Variants in GLMN observed in about 807,000 individuals in gnomAD.
GLMN encodes the protein glomulin.
In GLMN, 75 loss-of-function variants were observed where a neutral mutation model predicts 87.8. The observed-to-expected ratio is 0.85, with a 90% CI of 0.71 to 1.04. The LOEUF is 1.04. Among genes scored for constraint, GLMN ranks in the 50% least tolerant of loss-of-function variants. The pLI is 0.00. For synonymous variants in GLMN, 206 were observed against 221.6 expected, an observed-to-expected ratio of 0.93 and a Z score of 0.63; for missense variants, 588 against 658.8, an observed-to-expected ratio of 0.89 and a Z score of 1.18.
At chr1:92,294,373 T>TG (rs556608308) in intron 3 of GLMN, among the ~76,000 whole-genome samples, 259 of 152,234 alleles carry the variant, frequency 1.7e-3, no homozygotes, top group Non-Finnish European at 2.8e-3. Flanking sequence ...TCTCCCCACT[T>TG]ATCTGCAGGG....
the GLMN span, among the ~76,000 whole-genome samples, chr1:92,366,647 T>C: frequency 6.6e-6 from 1 of 152,198 alleles, no homozygotes; most frequent in Non-Finnish European, 1.5e-5. Context: ...GAGAAAGAGT[T>C]AATATTAAAC....
the GLMN span, chr1:92,324,524 C>T: frequency 1.6e-6 from 1 of 638,524 alleles, no homozygotes; most frequent in Non-Finnish European, 2.7e-6. Context: ...TTTACAGTGC[C>T]ATCTCCACTG....
chr1:92,294,345 G>A (rs1422538089), intron 3 of GLMN, among the ~76,000 whole-genome samples: 1 of 152,052 alleles, frequency 6.6e-6, no homozygotes, highest in African/African-American at 2.4e-5. Flanking sequence ...AATAAAAATA[G>A]AGTATACGAT....
the GLMN span, among the ~76,000 whole-genome samples, chr1:92,355,271 A>AT: frequency 6.6e-6 from 1 of 152,032 alleles, no homozygotes. Flanking sequence ...GATATATCCT[A>AT]TTTTTGTTCC....
the GLMN span, among the ~76,000 whole-genome samples, chr1:92,316,106 A>C: frequency 6.6e-6 from 1 of 152,226 alleles, no homozygotes; most frequent in South Asian, 2.1e-4. Flanking sequence ...CTAAAATCTT[A>C]AATCTAAGAA....
chr1:92,345,778 T>C, the GLMN span: 2 of 974,300 alleles, frequency 2.1e-6, no homozygotes, highest in South Asian at 2.9e-5. Flanking sequence ...AATCTGATGT[T>C]ATCTAGAAAG....
At chr1:92,312,002 G>A in the GLMN span, among the ~76,000 whole-genome samples, 1 of 152,172 alleles carries the variant, frequency 6.6e-6, no homozygotes, top group African/African-American at 2.4e-5. Context: ...GTGGTAATTT[G>A]TTGAAATAAG....
the GLMN span, among the ~76,000 whole-genome samples, chr1:92,336,622 A>G: frequency 6.6e-6 from 1 of 152,178 alleles, no homozygotes; most frequent in East Asian, 1.9e-4. Flanking sequence ...TGCTCAAGCC[A>G]TTATATATTT....
the GLMN span, among the ~76,000 whole-genome samples, chr1:92,362,765 G>GT: frequency 8.6e-5 from 13 of 152,034 alleles, no homozygotes; most frequent in African/African-American, 2.4e-4. Context: ...ACATTATAAT[G>GT]TTTTTTATCA....
the GLMN span, among the ~76,000 whole-genome samples, chr1:92,309,440 C>A: frequency 5.2e-4 from 76 of 145,758 alleles, no homozygotes; most frequent in East Asian, 1.2e-3. Flanking sequence ...GACTCCATCT[C>A]AAAAAAAAAA....
At chr1:92,279,570 A>G (rs1435785503) in intron 7 of GLMN, among the ~76,000 whole-genome samples, 1 of 151,724 alleles carries the variant, frequency 6.6e-6, no homozygotes, top group Non-Finnish European at 1.5e-5. Flanking sequence ...TGCATTTCCA[A>G]CTGAGGTACC....
At chr1:92,280,581 C>T (rs1437136871) in intron 7 of GLMN, among the ~76,000 whole-genome samples, 1 of 152,206 alleles carries the variant, frequency 6.6e-6, no homozygotes, top group Non-Finnish European at 1.5e-5. Flanking sequence ...CACAGCTCCT[C>T]ACCAGCAAGG....
At chr1:92,338,382 T>C in the GLMN span, among the ~76,000 whole-genome samples, 1 of 152,364 alleles carries the variant, frequency 6.6e-6, no homozygotes, top group Middle Eastern at 3.4e-3. Context: ...TGAACTTGTC[T>C]GCATGCTGTG....
rs116757575 is a variant in GLMN at position 92,265,499 on chromosome 1, G to A, written c.1215-861C>T. ...AAGATAGAATCAAGAGTGTTGGCTGGGCATGATGGCTCATGCGTGTCATCT... is the reference window on the plus strand; with the variant it reads ...AAGATAGAATCAAGAGTGTTGGCTGAGCATGATGGCTCATGCGTGTCATCT... On this transcript the variant is annotated intron_variant, in intron 13 of 18. Coordinates refer to ENST00000370360, the MANE Select transcript of GLMN (RefSeq NM_053274.3). 5.9e-3 allele frequency among the ~76,000 whole-genome samples: 902 copies of A among 152,150 alleles called. 8 individuals are homozygous for A. Among genetic ancestry groups the A allele is most frequent in the African/African-American group, 0.019 (794 of 41,494 alleles).
At chr1:92,356,063 T>TA in the GLMN span, among the ~76,000 whole-genome samples, 4 of 152,212 alleles carry the variant, frequency 2.6e-5, no homozygotes, top group Admixed American at 2.0e-4. Flanking sequence ...GTTTTAAAAC[T>TA]GTTTTACTTA....
chr1:92,298,736 A>G (rs535445104), intron 1 of GLMN, among the ~76,000 whole-genome samples, 189 bp downstream of exon 1: 1 of 152,242 alleles, frequency 6.6e-6, no homozygotes, highest in South Asian at 2.1e-4. Context: ...GCGCGCTGGA[A>G]GGCGAGTGAA....
intron 18 of GLMN, among the ~76,000 whole-genome samples, chr1:92,246,852 G>A (rs1652735439): frequency 6.6e-6 from 1 of 152,086 alleles, no homozygotes; most frequent in Non-Finnish European, 1.5e-5. Flanking sequence ...GCAACATAGT[G>A]AGACCCTATC....
At chr1:92,352,077 G>C in the GLMN span, among the ~76,000 whole-genome samples, 1 of 152,124 alleles carries the variant, frequency 6.6e-6, no homozygotes, top group African/African-American at 2.4e-5. Context: ...GCTATTCCTA[G>C]TTCTATGCCC....
intron 9 of GLMN, 143 bp downstream of exon 9, chr1:92,269,580 C>T (rs1179161619): frequency 3.8e-5 from 25 of 651,008 alleles, no homozygotes; most frequent in East Asian, 2.2e-4. Context: ...CTGTCTCTCT[C>T]GTGAATTATT....
Sources: gnomAD v4.1 joint callset for allele counts (sites outside exome capture counted in the v4.1 genomes callset) on GRCh38, gnomAD v4.1.1 for gene constraint, MANE v1.5 for transcripts, NCBI Gene and HGNC (gene_info 2026-07-23, HGNC 2026-07-21) for gene names.